The following TXNL4A variants were observed in gnomAD, a reference collection of about 807,000 sequenced individuals.
TXNL4A encodes thioredoxin like 4A.
A neutral mutation model predicts 14.6 loss-of-function variants in TXNL4A; 17 were observed. That is an observed-to-expected ratio of 1.16 (90% CI 0.80 to 1.74). The LOEUF is 1.74. TXNL4A is among the 40% of genes most tolerant of loss of function. TXNL4A has a pLI of 0.00. For missense variants in TXNL4A, 74 were observed against 195.2 expected, an observed-to-expected ratio of 0.38 and a Z score of 3.70; for synonymous variants, 83 against 70.6, an observed-to-expected ratio of 1.18 and a Z score of -0.88.
At chr18:79,980,989 C>T (rs2051456118) in intron 1 of TXNL4A, among the ~76,000 whole-genome samples, 1 of 152,182 alleles carries the variant, frequency 6.6e-6, no homozygotes, top group Non-Finnish European at 1.5e-5. Context: ...GGTCAGGTTG[C>T]CAGAATCCAG....
intron 1 of TXNL4A, among the ~76,000 whole-genome samples, chr18:80,025,990 T>C (rs148058125): frequency 1.5e-4 from 23 of 152,328 alleles, no homozygotes; most frequent in African/African-American, 5.5e-4. Flanking sequence ...AGAACCCAAA[T>C]GCATTAGTTT....
rs1050187823 is a variant in TXNL4A at position 79,986,777 on chromosome 18, T to C, written c.153+1463A>G. 1.3e-5 allele frequency: 13 copies of C among 985,310 alleles called. No homozygotes were observed. In the African/African-American group the frequency reaches 2.1e-4, roughly 16 times the overall value. The allele number at this position is 985,310 out of a possible 1,614,324, so 61.0% of individuals were successfully genotyped here. On this transcript the variant is annotated intron_variant, in intron 1 of 2. Coordinates refer to ENST00000269601, the MANE Select transcript of TXNL4A (RefSeq NM_006701.5). Reference sequence around the variant, plus strand: ...TGCAATGTAGAACAGTGAAAGATTCTAGAATTCATAACTCAAAGTCAATAC... The same window carrying C: ...TGCAATGTAGAACAGTGAAAGATTCCAGAATTCATAACTCAAAGTCAATAC...
In TXNL4A at chr18:80,011,943, C is replaced by T. The variant is rs1474132864; in HGVS notation, c.-61+21908G>A. 2.6e-5 allele frequency among the ~76,000 whole-genome samples: 4 copies of T among 152,096 alleles called. No individual in the cohort carries two copies. The highest frequency in any genetic ancestry group is 9.7e-5 in the African/African-American group (4 of 41,410). ...CATCTTATTGAGTGACTAACGAGTT[C>T]TCCTTCACTGATTAATCCTTTTCCT... is the stretch of plus-strand genomic sequence containing the variant. On this transcript the variant is annotated intron_variant, in intron 1 of 2. Transcript: ENST00000585474. The surrounding 1 kb of genome is among the most constrained non-coding windows in gnomAD (Gnocchi z 4.1).
At chr18:79,992,642 T>C (rs1485764331), upstream of TXNL4A, among the ~76,000 whole-genome samples, 4 of 152,256 alleles carry the variant, frequency 2.6e-5, no homozygotes, top group East Asian at 7.7e-4. Context: ...TCCCCCATAT[T>C]TTGCCCACAA....
intron 1 of TXNL4A, among the ~76,000 whole-genome samples, chr18:80,013,367 C>G (rs527507861): frequency 5.9e-5 from 9 of 151,988 alleles, no homozygotes; most frequent in African/African-American, 2.2e-4. Context: ...ATGATCCCCC[C>G]GCCTCGGCCT....
chr18:79,997,355 C>T (rs939276697), intron 1 of TXNL4A, among the ~76,000 whole-genome samples: 1 of 151,584 alleles, frequency 6.6e-6, no homozygotes. Context: ...GCACAAGCCC[C>T]TGCAACAGCC....
chr18:80,008,193 G>A (rs996060345), intron 1 of TXNL4A, among the ~76,000 whole-genome samples: 1 of 152,208 alleles, frequency 6.6e-6, no homozygotes, highest in East Asian at 1.9e-4. Flanking sequence ...GCTTCAGTGT[G>A]ACTTTGTTTG....
intron 1 of TXNL4A, among the ~76,000 whole-genome samples, chr18:79,981,505 C>T (rs565109006): frequency 1.3e-5 from 2 of 152,174 alleles, no homozygotes; most frequent in South Asian, 4.2e-4. Flanking sequence ...AACCCTGTCT[C>T]TACTAAAAAC....
intron 1 of TXNL4A, among the ~76,000 whole-genome samples, chr18:80,009,852 T>C (rs1473486783): frequency 6.6e-6 from 1 of 152,176 alleles, no homozygotes; most frequent in Non-Finnish European, 1.5e-5. Flanking sequence ...TTTACTGAAA[T>C]TGTACGCAGG....
At chr18:80,009,183 C>A (rs1049307775) in intron 1 of TXNL4A, among the ~76,000 whole-genome samples, 8 of 151,682 alleles carry the variant, frequency 5.3e-5, no homozygotes, top group Non-Finnish European at 1.5e-5. Flanking sequence ...GAAAGTAATA[C>A]TTTTTTTTTG....
chr18:80,018,508 A>C lies in TXNL4A; in HGVS notation c.-61+15343T>G, dbSNP rs1056309725. On this transcript the variant is annotated intron_variant, in intron 1 of 2. Coordinates refer to the TXNL4A transcript ENST00000585474. ...ATCAGAGCAGAACTGAAGGAAATAG[A>C]GACCAAAAAAACCCTTCAAAAAATT... is the stretch of plus-strand genomic sequence containing the variant. Among the ~76,000 whole-genome samples the C allele has an allele frequency of 5.9e-5, 9 of 152,344 alleles. No individual in the cohort carries two copies. The East Asian group carries it at 1.7e-3, about 29-fold the overall frequency.
At chr18:79,976,714 T>G (rs1032849761) in intron 2 of TXNL4A, 2 of 451,070 alleles carry the variant, frequency 4.4e-6, no homozygotes, top group Non-Finnish European at 8.9e-6. Flanking sequence ...CTGACCTTCC[T>G]TACCGAGTAG....
Position 79,977,654 on chromosome 18 carries a change from A to T in TXNL4A, c.201T>A (p.Pro67=). 1 of 1,612,928 alleles carries T rather than the reference A, an allele frequency of 6.2e-7. No homozygotes were observed. Among genetic ancestry groups the T allele is most frequent in the African/African-American group, 1.3e-5 (1 of 74,988 alleles). ...VIYLVDITEV[P]DFNKMYELYD... ...ATAACTCATACATTTTGTTGAAGTCAGGCACTTCTGTAATATCCACAAGAT... is the reference window on the plus strand; with the variant it reads ...ATAACTCATACATTTTGTTGAAGTCTGGCACTTCTGTAATATCCACAAGAT... Residue 67 remains proline, a synonymous_variant, in exon 2 of 3, where the codon CCT becomes CCA. Transcript: ENST00000269601.
chr18:80,029,457 C>T (rs969820102), intron 1 of TXNL4A, among the ~76,000 whole-genome samples: 1 of 152,152 alleles, frequency 6.6e-6, no homozygotes, highest in African/African-American at 2.4e-5. Context: ...TAAAGCTTTC[C>T]CTGCAGGCAA....
At chr18:79,973,983 C>T (rs544434970) in intron 2 of TXNL4A, 127 bp from the exon 3 acceptor site, 12 of 1,289,246 alleles carry the variant, frequency 9.3e-6, no homozygotes, top group African/African-American at 5.9e-5. Flanking sequence ...CGCATAAAAT[C>T]GAGAGTGTAT....
chr18:80,021,993 C>CTTTT lies in TXNL4A; in HGVS notation c.-61+11854_-61+11857dup, dbSNP rs57141907. The stretch of plus-strand genomic sequence containing the variant: ...GTGGCTCCCATATGGGCTAGAATAC[C>CTTTT]TTTTTTTTTTGCAATAGGGTTTGGC... On this transcript the variant is annotated intron_variant, in intron 1 of 2. Transcript: ENST00000585474. Among the ~76,000 whole-genome samples the CTTTT allele has an allele frequency of 9.3e-4, 140 of 150,308 alleles. No homozygotes were observed. In the Middle Eastern group the frequency reaches 0.01, roughly 11 times the overall value.
intron 1 of TXNL4A, among the ~76,000 whole-genome samples, chr18:79,996,841 G>A (rs2051666263): frequency 6.6e-6 from 1 of 152,230 alleles, no homozygotes; most frequent in Non-Finnish European, 1.5e-5. Context: ...TACTTGGGAG[G>A]CTGAGGCAGG....
At chr18:79,997,127 C>T (rs1259508916) in intron 1 of TXNL4A, among the ~76,000 whole-genome samples, 3 of 152,068 alleles carry the variant, frequency 2.0e-5, no homozygotes, top group African/African-American at 4.8e-5. Flanking sequence ...CCTGTTAACT[C>T]CAGAAGTGGA....
intron 1 of TXNL4A, among the ~76,000 whole-genome samples, chr18:79,980,128 C>T (rs1048057235): frequency 2.0e-5 from 3 of 152,120 alleles, no homozygotes; most frequent in African/African-American, 7.2e-5. Flanking sequence ...CTGGGGGCAT[C>T]GAGGACTGCA....
Sources: gnomAD v4.1 joint callset for allele counts (sites outside exome capture counted in the v4.1 genomes callset) on GRCh38, gnomAD v4.1.1 for gene constraint, Gnocchi (gnomAD v3.1) non-coding constraint, MANE v1.5 for transcripts, NCBI Gene and HGNC (gene_info 2026-07-23, HGNC 2026-07-21) for gene names.